The following PCDHA5 variants were observed in gnomAD, a reference collection of about 807,000 sequenced individuals.
PCDHA5 encodes the protein protocadherin alpha-5.
A neutral mutation model predicts 61.6 loss-of-function variants in PCDHA5; 43 were observed. That is an observed-to-expected ratio of 0.70 (90% CI 0.55 to 0.90). PCDHA5 has a LOEUF of 0.90. PCDHA5 is among the 40% of genes least tolerant of loss of function. The pLI is 0.00. For synonymous variants in PCDHA5, 627 were observed against 543.9 expected, an observed-to-expected ratio of 1.15 and a Z score of -2.13; for missense variants, 1,298 against 1,222.7, an observed-to-expected ratio of 1.06 and a Z score of -0.92.
rs200439538 is a variant in PCDHA5, at chr5:140,842,555, G to T, written c.2352+18428G>T. On this transcript the variant is annotated intron_variant, in intron 1 of 3. Transcript: ENST00000529859. ...TTACTACTCGTTGGTGCTGGACAGC[G>T]CCCTGGACCGCGAGAGAGTGTCGGC... The T allele has an allele frequency of 1.4e-6, 2 of 1,465,832 alleles. No homozygotes were observed. Among genetic ancestry groups the T allele is most frequent in the Non-Finnish European group, 1.9e-6 (2 of 1,075,884 alleles). The allele number at this position is 1,465,832 out of a possible 1,614,324, so 90.8% of individuals were successfully genotyped here. A position where few individuals can be genotyped will look rare whatever the true frequency, so the allele number is the denominator to read the frequency against.
chr5:140,951,503 A>G (rs1554219922), intron 1 of PCDHA5, among the ~76,000 whole-genome samples: 1 of 151,992 alleles, frequency 6.6e-6, no homozygotes, highest in African/African-American at 2.4e-5. Flanking sequence ...AGGCAAAAGG[A>G]AAGCGGCTCA....
Position 140,875,764 on chromosome 5 carries a change from C to T in PCDHA5, c.2352+51637C>T, listed in dbSNP as rs782377276. On this transcript the variant is annotated intron_variant, in intron 1 of 3. Coordinates refer to ENST00000529859, the MANE Select transcript of PCDHA5 (RefSeq NM_018908.3). ...GATCGACCGCGAGAAGCTGTGCGGGCGGAGCGCGGAGTGCAGTATCCACCT... is the reference window on the plus strand; with the variant it reads ...GATCGACCGCGAGAAGCTGTGCGGGTGGAGCGCGGAGTGCAGTATCCACCT... 27 of 1,614,078 alleles carry T rather than the reference C, an allele frequency of 1.7e-5. No homozygotes were observed. In the South Asian group the frequency reaches 2.1e-4, roughly 12 times the overall value.
intron 1 of PCDHA5, among the ~76,000 whole-genome samples, chr5:140,894,198 T>A (rs1431922646): frequency 3.9e-5 from 6 of 152,168 alleles, no homozygotes; most frequent in African/African-American, 1.4e-4. Flanking sequence ...ATTTTTTCTA[T>A]GCTATTATAT....
intron 1 of PCDHA5, among the ~76,000 whole-genome samples, chr5:140,934,332 T>C (rs1452316834): frequency 1.3e-5 from 2 of 152,140 alleles, no homozygotes; most frequent in Non-Finnish European, 2.9e-5. Flanking sequence ...ATGAATGTAA[T>C]AACCACCAGT....
chr5:140,951,659 C>T (rs1293655737), intron 1 of PCDHA5, among the ~76,000 whole-genome samples: 3 of 152,164 alleles, frequency 2.0e-5, no homozygotes, highest in African/African-American at 7.2e-5. Flanking sequence ...CCCACCAGGG[C>T]CTGCCTACAA....
At chr5:140,841,614 G>T in intron 1 of PCDHA5, 2 of 1,614,122 alleles carry the variant, frequency 1.2e-6, no homozygotes, top group South Asian at 1.1e-5. Context: ...CTGTGCGGGC[G>T]GAGCGCGGAG....
intron 1 of PCDHA5, among the ~76,000 whole-genome samples, chr5:140,831,611 C>T (rs1403752788): frequency 9.3e-5 from 14 of 150,788 alleles, no homozygotes. Flanking sequence ...GATCTGCCCA[C>T]CTTGGCCTCC....
At chr5:140,912,465 C>T (rs2153521985) in intron 1 of PCDHA5, among the ~76,000 whole-genome samples, 1 of 151,968 alleles carries the variant, frequency 6.6e-6, no homozygotes, top group South Asian at 2.1e-4. Context: ...TATCCTGGAA[C>T]TTTACTGAAT....
intron 1 of PCDHA5, among the ~76,000 whole-genome samples, chr5:140,950,613 A>G (rs980395914): frequency 3.3e-5 from 5 of 152,064 alleles, no homozygotes; most frequent in African/African-American, 1.2e-4. Context: ...TGATGTGCTT[A>G]TTTATGCTTT....
At chr5:140,828,752 G>C in intron 1 of PCDHA5, 1 of 1,614,226 alleles carries the variant, frequency 6.2e-7, no homozygotes, top group Admixed American at 1.7e-5. Context: ...GGGCAAACCT[G>C]AGCTCACAGG....
intron 1 of PCDHA5, chr5:140,829,457 G>T (rs2150168279): frequency 1.2e-6 from 2 of 1,613,878 alleles, no homozygotes; most frequent in Non-Finnish European, 1.7e-6. Flanking sequence ...TCCGGCGTTC[G>T]CGCAGCCCGA....
In PCDHA5 at chr5:140,849,637, C is replaced by T. The variant is rs1581190048; in HGVS notation, c.2352+25510C>T. 3.8e-6 allele frequency: 6 copies of T among 1,598,688 alleles called. 1 individual carries two copies. Among genetic ancestry groups the T allele is most frequent in the Non-Finnish European group, 5.1e-6 (6 of 1,167,950 alleles). On this transcript the variant is annotated intron_variant, in intron 1 of 3. Transcript: ENST00000529859. ...AGTGTGATCGACCTAGACGCAGATG[C>T]CAACGGGCAGGTTACCTGCTCCCTG...
intron 1 of PCDHA5, chr5:140,858,018 C>G (rs1562532510): frequency 6.3e-7 from 1 of 1,596,908 alleles, no homozygotes; most frequent in Non-Finnish European, 8.6e-7. Flanking sequence ...GGCGAGCCGT[C>G]GCTGACGGCC....
At chr5:140,850,363 G>T (rs1287210610) in intron 1 of PCDHA5, 3 of 1,597,818 alleles carry the variant, frequency 1.9e-6, no homozygotes, top group African/African-American at 1.3e-5. Flanking sequence ...ATCCCGTTCC[G>T]CGTGGGGCTG....
chr5:140,882,501 A>G lies in PCDHA5; in HGVS notation c.2352+58374A>G, dbSNP rs782169319. On this transcript the variant is annotated intron_variant, in intron 1 of 3. Transcript: ENST00000529859. Reference sequence around the variant, plus strand: ...AGACACGGGGACCTTCTGGAGGTAAATCTGCAGAATGGCATTTTGTTTGTG... The same window carrying G: ...AGACACGGGGACCTTCTGGAGGTAAGTCTGCAGAATGGCATTTTGTTTGTG... 1 of 1,614,098 alleles carries G rather than the reference A, an allele frequency of 6.2e-7. No individual in the cohort carries two copies. Among genetic ancestry groups the G allele is most frequent in the Non-Finnish European group, 8.5e-7 (1 of 1,180,032 alleles).
chr5:140,964,138 C>T (rs529852998), intron 1 of PCDHA5, among the ~76,000 whole-genome samples: 1 of 152,300 alleles, frequency 6.6e-6, no homozygotes, highest in Admixed American at 6.5e-5. Flanking sequence ...GTAAGGTTGG[C>T]AGGAGCCTCA....
chr5:140,836,378 G>C (rs2150259168), intron 1 of PCDHA5: 13 of 1,613,632 alleles, frequency 8.1e-6, no homozygotes, highest in Non-Finnish European at 1.1e-5. Flanking sequence ...CAGCCACCGT[G>C]CTGGTGTCGC....
intron 1 of PCDHA5, among the ~76,000 whole-genome samples, chr5:140,956,940 T>G (rs1446313251): frequency 6.7e-6 from 1 of 150,168 alleles, no homozygotes; most frequent in Non-Finnish European, 1.5e-5. Flanking sequence ...AGGATAAAAT[T>G]TACATTAAAA....
chr5:140,994,258 G>A (rs2097608740), intron 3 of PCDHA5, among the ~76,000 whole-genome samples: 1 of 152,122 alleles, frequency 6.6e-6, no homozygotes, highest in Admixed American at 6.5e-5. Flanking sequence ...GGTAAATAAG[G>A]TAAGCTAGGC....
Sources: gnomAD v4.1 joint callset for allele counts (sites outside exome capture counted in the v4.1 genomes callset) on GRCh38, gnomAD v4.1.1 for gene constraint, MANE v1.5 for transcripts, NCBI Gene and HGNC (gene_info 2026-07-23, HGNC 2026-07-21) for gene names.